TNFAIP8: variants seen among roughly 807,000 people sequenced by gnomAD.
The protein encoded by TNFAIP8 is tumor necrosis factor alpha-induced protein 8.
Under a neutral mutation model 13.3 loss-of-function variants are expected in TNFAIP8, and 7 were observed. The observed-to-expected ratio is 0.52, with a 90% confidence interval of 0.30 to 0.99. The LOEUF (loss-of-function observed/expected upper bound fraction) is 0.99, where lower values mean the gene tolerates loss of function less well. Ranked by LOEUF, TNFAIP8 falls within the 50% of genes least tolerant of loss-of-function variation. The probability of loss-of-function intolerance (pLI) is 0.07; values close to 1 mark genes in which losing one functional copy is unlikely to be tolerated. For missense variants in TNFAIP8, 258 were observed against 236.9 expected (o/e 1.09, Z -0.58); for synonymous variants, 94 against 87.6 (o/e 1.07, Z -0.41).
chr5:119,370,093 C>T (rs1010161207), intron 1 of TNFAIP8, among the ~76,000 whole-genome samples: 2 of 151,924 alleles, frequency 1.3e-5, no homozygotes, highest in African/African-American at 4.8e-5. Context: ...GCCTGCTTTT[C>T]TTTTTTTTAT....
chr5:119,311,815 C>G (rs987801211), intron 1 of TNFAIP8, among the ~76,000 whole-genome samples: 2 of 151,892 alleles, frequency 1.3e-5, no homozygotes, highest in Non-Finnish European at 2.9e-5. Flanking sequence ...GGTGTTCACC[C>G]GTGAAGGAGG....
At chr5:119,321,099 C>A (rs758664790) in intron 1 of TNFAIP8, among the ~76,000 whole-genome samples, 2 of 152,126 alleles carry the variant, frequency 1.3e-5, no homozygotes, top group African/African-American at 2.4e-5. Context: ...TGCCTGTAGT[C>A]CCAGCTACTC....
At position 119,291,308 on chromosome 5, in the gene TNFAIP8, G is replaced by A. The variant is rs78916193; in HGVS notation, c.1+22401G>A. On this transcript the variant is annotated intron_variant, in intron 1 of 1. Coordinates refer to the TNFAIP8 transcript ENST00000274456. ...CCAATAACTACCTGCTAGCTGCTTG[G>A]ATAATAGCAGCCAATTGCTACATGT... 6.3e-3 allele frequency among the ~76,000 whole-genome samples: 959 copies of A among 152,282 alleles called. 81 individuals are homozygous for A. The East Asian group carries it at 0.17, about 27-fold the overall frequency.
In TNFAIP8 at chr5:119,396,938, G is replaced by A. The variant is rs932811696; in HGVS notation, c.*3557G>A. On this transcript the variant is annotated 3_prime_UTR_variant, in exon 2 of 2. Coordinates refer to ENST00000504771, the MANE Select transcript of TNFAIP8 (RefSeq NM_014350.4). Reference sequence around the variant, plus strand: ...GAACCTGGGAGGCAGAGGTTGCAGTGAGCTGAGATTGTACCACTGCACTGC... The same window carrying A: ...GAACCTGGGAGGCAGAGGTTGCAGTAAGCTGAGATTGTACCACTGCACTGC... 7.8e-5 allele frequency: 11 copies of A among 141,016 alleles called. No homozygotes were observed. The highest frequency in any genetic ancestry group is 1.5e-4 in the Non-Finnish European group (10 of 66,480). The allele number at this position is 141,016 out of a possible 1,614,324, so 8.7% of individuals were successfully genotyped here.
intron 1 of TNFAIP8, among the ~76,000 whole-genome samples, chr5:119,344,352 G>A (rs250298): frequency 0.62 from 93,474 of 151,558 alleles, 29,196 homozygotes; most frequent in African/African-American, 0.69. Flanking sequence ...GGACTCACTC[G>A]TTACCATGGG....
intron 1 of TNFAIP8, among the ~76,000 whole-genome samples, chr5:119,310,615 A>C (rs990238103): frequency 6.6e-6 from 1 of 152,176 alleles, no homozygotes; most frequent in Non-Finnish European, 1.5e-5. Flanking sequence ...CAGGTAGATC[A>C]CTTGAGGTCA....
chr5:119,384,494 A>G (rs554009853), intron 1 of TNFAIP8, among the ~76,000 whole-genome samples: 6 of 152,288 alleles, frequency 3.9e-5, no homozygotes, highest in Admixed American at 1.3e-4. Context: ...AAAAAACATA[A>G]AAAATAAATA....
chr5:119,322,760 A>G (rs1267271506), intron 1 of TNFAIP8, among the ~76,000 whole-genome samples: 1 of 150,518 alleles, frequency 6.6e-6, no homozygotes, highest in East Asian at 2.0e-4. Flanking sequence ...TTCTTATTCG[A>G]CTCTCTCCCT....
intron 1 of TNFAIP8, among the ~76,000 whole-genome samples, chr5:119,365,742 T>C (rs1312228960): frequency 6.6e-6 from 1 of 152,218 alleles, no homozygotes; most frequent in African/African-American, 2.4e-5. Context: ...ATATGAGAAT[T>C]GCATCAGTTA....
intron 1 of TNFAIP8, among the ~76,000 whole-genome samples, chr5:119,316,674 CTAAT>C (rs1561997701): frequency 6.6e-6 from 1 of 152,184 alleles, no homozygotes. Flanking sequence ...CTACTCCAGA[CTAAT>C]TAAGTCAAAA....
chr5:119,338,922 C>T (rs1321552260), intron 1 of TNFAIP8, among the ~76,000 whole-genome samples: 1 of 152,106 alleles, frequency 6.6e-6, no homozygotes, highest in East Asian at 1.9e-4. Context: ...TGGTGTGTAC[C>T]TGTAGTCCCA....
intron 1 of TNFAIP8, among the ~76,000 whole-genome samples, chr5:119,389,629 A>C (rs77937778): frequency 3.3e-5 from 5 of 152,164 alleles, no homozygotes; most frequent in Admixed American, 2.6e-4. Flanking sequence ...AGTTGGCTTC[A>C]AAAAAACTTT....
At chr5:119,319,752 G>A (rs1168321607) in intron 1 of TNFAIP8, among the ~76,000 whole-genome samples, 3 of 152,252 alleles carry the variant, frequency 2.0e-5, no homozygotes, top group East Asian at 1.9e-4. Flanking sequence ...GTTAAAGAAC[G>A]CCGAGGTGGA....
At position 119,338,952 on chromosome 5, in the gene TNFAIP8, C is replaced by T. The variant is rs548654364; in HGVS notation, c.2-53864C>T. Among the ~76,000 whole-genome samples, 177 of 151,942 alleles carry T rather than the reference C, an allele frequency of 1.2e-3. 1 individual carries two copies. The highest frequency in any genetic ancestry group is 5.9e-3 in the South Asian group (28 of 4,784). On this transcript the variant is annotated intron_variant, in intron 1 of 1. Transcript: ENST00000274456. ...GTCCCAGCTACTCAGGAGGCTTAGG[C>T]GGGAGGATGTCTTGAGCCCAGGAAT...
intron 1 of TNFAIP8, among the ~76,000 whole-genome samples, chr5:119,391,065 A>G (rs1752874168): frequency 6.7e-6 from 1 of 150,368 alleles, no homozygotes; most frequent in South Asian, 2.1e-4. Flanking sequence ...TCCTGGGCTC[A>G]AGTGATCCTC....
upstream of TNFAIP8, chr5:119,355,470 C>A (rs1283165179): frequency 1.5e-6 from 1 of 653,004 alleles, no homozygotes; most frequent in Non-Finnish European, 2.8e-6. Flanking sequence ...TTAAGCTGGT[C>A]CTTGCAACCC....
At chr5:119,327,163 C>A (rs1750248728) in intron 1 of TNFAIP8, among the ~76,000 whole-genome samples, 1 of 152,136 alleles carries the variant, frequency 6.6e-6, no homozygotes, top group African/African-American at 2.4e-5. Context: ...AATGTCTGTT[C>A]CCAGACCCCC....
At chr5:119,356,012 T>C (rs1437250361), upstream of TNFAIP8, 18 of 1,536,390 alleles carry the variant, frequency 1.2e-5, no homozygotes. Flanking sequence ...CGTGTGCGGA[T>C]TTCGCTGCAG....
chr5:119,331,814 G>A (rs993198706), intron 1 of TNFAIP8, among the ~76,000 whole-genome samples: 1 of 152,176 alleles, frequency 6.6e-6, no homozygotes, highest in Non-Finnish European at 1.5e-5. Context: ...CACCACTGAG[G>A]TCACATTTTA....
Sources: gnomAD v4.1 joint callset for allele counts (sites outside exome capture counted in the v4.1 genomes callset) on GRCh38, gnomAD v4.1.1 for gene constraint, MANE v1.5 for transcripts, NCBI Gene and HGNC (gene_info 2026-07-23, HGNC 2026-07-21) for gene names.